NCAPD2: variants seen among roughly 807,000 people sequenced by gnomAD.
NCAPD2 encodes the protein condensin complex subunit 1.
A neutral mutation model predicts 164.5 loss-of-function variants in NCAPD2; 100 were observed. That is an observed-to-expected ratio of 0.61 (90% confidence interval 0.52 to 0.72). The LOEUF (loss-of-function observed/expected upper bound fraction) is 0.72. NCAPD2 is among the 30% of genes least tolerant of loss of function. NCAPD2 has a pLI of 0.00. For missense variants in NCAPD2, 1,560 were observed against 1,749.2 expected (o/e 0.89, Z 1.93); for synonymous variants, 585 against 642.6 (o/e 0.91, Z 1.36).
At chr12:6,510,256 T>C (rs1002911475) in intron 4 of NCAPD2, 123 bp downstream of exon 4, 5 of 1,119,182 alleles carry the variant, frequency 4.5e-6, no homozygotes, top group East Asian at 4.7e-5. Flanking sequence ...TGTGATTCAG[T>C]TGGTTTGGCT....
In NCAPD2 at chr12:6,514,798, G is replaced by A. The variant is rs1230855012; in HGVS notation, c.865G>A (p.Glu289Lys). The change falls in exon 9 of 32, where the codon GAG (glutamate) becomes AAG (lysine). Residue 289 changes from glutamate (E) to lysine (K), a missense_variant. Coordinates refer to ENST00000315579, the MANE Select transcript of NCAPD2 (RefSeq NM_014865.4). ...VREIGQKCPQ[E>K]LSRDPSGTKG... ...AGAGATTGGACAAAAGTGTCCCCAA[G>A]AGCTGAGTCGAGACCCTTCAGGGAC... 3.1e-6 allele frequency: 5 copies of A among 1,614,134 alleles called. No homozygotes were observed. The highest frequency in any genetic ancestry group is 1.6e-4 in the Middle Eastern group (1 of 6,062).
intron 2 of NCAPD2, among the ~76,000 whole-genome samples, chr12:6,500,725 C>T (rs1253758905): frequency 6.6e-6 from 1 of 152,170 alleles, no homozygotes; most frequent in East Asian, 1.9e-4. Flanking sequence ...TCTCTAGAGC[C>T]TCGTAGATCA....
At chr12:6,501,141 A>G (rs1215428780) in intron 2 of NCAPD2, among the ~76,000 whole-genome samples, 1 of 148,982 alleles carries the variant, frequency 6.7e-6, no homozygotes, top group Non-Finnish European at 1.5e-5. Flanking sequence ...GCTCGCTGCA[A>G]CCTCTGCCTC....
At position 6,509,717 on chromosome 12, in the gene NCAPD2, C is replaced by A. The variant is rs139616215; in HGVS notation, c.128C>A (p.Ala43Asp). The A allele has an allele frequency of 1.9e-6, 3 of 1,613,656 alleles. No individual in the cohort carries two copies. In the African/African-American group the frequency reaches 4.0e-5, roughly 22 times the overall value. The change falls in exon 3 of 32, where the codon GCT becomes GAT. Residue 43 changes from alanine to aspartate, a missense_variant and splice_region_variant. Ala to Asp is a moderately radical substitution (Grantham distance 126). Coordinates refer to ENST00000315579, the MANE Select transcript of NCAPD2 (RefSeq NM_014865.4). Reference sequence around the variant, plus strand: ...TGATTTGTTTTTTCCATCTTCATAGCTTTTCAGGCTGCCTTTCGAGCTCAG... The same window carrying A: ...TGATTTGTTTTTTCCATCTTCATAGATTTTCAGGCTGCCTTTCGAGCTCAG... ...SIKHLPPQLR[A>D]FQAAFRAQGP...
chr12:6,523,219 T>G, intron 16 of NCAPD2, 43 bp from the exon 17 acceptor site: 1 of 1,587,612 alleles, frequency 6.3e-7, no homozygotes, highest in Non-Finnish European at 8.6e-7. Context: ...CAAGTTCAGC[T>G]TCCCAATCTT....
At position 6,521,740 on chromosome 12, in the gene NCAPD2, G is replaced by T. The variant is rs1223972685; in HGVS notation, c.1715-58G>T. On this transcript the variant is annotated intron_variant, in intron 14 of 31. Transcript: ENST00000315579. Reference sequence around the variant, plus strand: ...TAAATATCCAGGAATGTTGACAGCTGTTGGATTCCCCTGTATCCCCTTGAA... The same window carrying T: ...TAAATATCCAGGAATGTTGACAGCTTTTGGATTCCCCTGTATCCCCTTGAA... The T allele has an allele frequency of 2.5e-6, 4 of 1,572,306 alleles. No homozygotes were observed. In the African/African-American group the frequency reaches 5.5e-5, roughly 22 times the overall value.
rs540155011 is a variant in NCAPD2, at chr12:6,529,912, T to C, written c.3791T>C (p.Leu1264Ser). The C allele has an allele frequency of 1.2e-6, 2 of 1,614,150 alleles. No homozygotes were observed. Among genetic ancestry groups the C allele is most frequent in the African/African-American group, 2.7e-5 (2 of 74,954 alleles). The change falls in exon 29 of 32, where the codon TTG becomes TCG. Residue 1264 changes from leucine (L) to serine (S), a missense_variant. Leu to Ser is a moderately radical substitution (Grantham distance 145, BLOSUM62 -2). Coordinates refer to ENST00000315579, the MANE Select transcript of NCAPD2 (RefSeq NM_014865.4). ...LSDESIFSAF[L>S]SVVGKLRRGA... is the part of the protein sequence containing the mutation. ...GATGAGTCCATCTTCAGTGCTTTTT[T>C]GTCAGTTGTAGGCAAGCTGCGACGT...
chr12:6,509,386 C>G (rs527805056), intron 2 of NCAPD2, among the ~76,000 whole-genome samples: 9 of 152,086 alleles, frequency 5.9e-5, no homozygotes, highest in Non-Finnish European at 1.0e-4. Context: ...CTCAGCCTCC[C>G]TAGTAGCTGG....
intron 6 of NCAPD2, among the ~76,000 whole-genome samples, chr12:6,513,253 G>A (rs772483106): frequency 6.6e-6 from 1 of 152,162 alleles, no homozygotes; most frequent in Non-Finnish European, 1.5e-5. Flanking sequence ...AGCATTAAGA[G>A]TGAGGATGCC....
At position 6,527,999 on chromosome 12, in the gene NCAPD2, C is replaced by T; in HGVS notation, c.3051C>T (p.Leu1017=). 3 of 1,614,266 alleles carry T rather than the reference C, an allele frequency of 1.9e-6. No homozygotes were observed. The East Asian group carries it at 6.7e-5, about 36-fold the overall frequency. ...AGACACTGGCTGCCTTTGTTCCACT[C>T]TTGCTTAAAGTCTGTAACAACCCAG... is the stretch of plus-strand genomic sequence containing the variant. The part of the protein sequence containing the change: ...GKQTLAAFVP[L]LLKVCNNPGL... Residue 1017 remains leucine (L), a synonymous_variant, in exon 24 of 32, where the codon CTC becomes CTT. Coordinates refer to ENST00000315579, the MANE Select transcript of NCAPD2 (RefSeq NM_014865.4).
intron 27 of NCAPD2, 171 bp from the exon 28 acceptor site, chr12:6,529,342 T>C (rs1946349256): frequency 3.1e-6 from 2 of 655,322 alleles, no homozygotes; most frequent in African/African-American, 1.8e-5. Context: ...GGGGGCGGGG[T>C]GGGGTCCCTC....
chr12:6,520,953 C>T, intron 13 of NCAPD2, 33 bp from the exon 14 acceptor site: 1 of 1,613,062 alleles, frequency 6.2e-7, no homozygotes, highest in South Asian at 1.1e-5. Context: ...CAGTGACATT[C>T]TTCTGGGTAC....
At chr12:6,517,710 A>G (rs750477797) in intron 12 of NCAPD2, 27 bp downstream of exon 12, 2 of 1,614,174 alleles carry the variant, frequency 1.2e-6, no homozygotes, top group Non-Finnish European at 8.5e-7. Flanking sequence ...TTGGAGTCCT[A>G]ATGCCAGACA....
At chr12:6,516,037 CA>C (rs781184572) in intron 9 of NCAPD2, among the ~76,000 whole-genome samples, 3 of 149,316 alleles carry the variant, frequency 2.0e-5, no homozygotes, top group Admixed American at 6.7e-5. Context: ...ACTAAAAATA[CA>C]AAAAAAAATT....
Position 6,528,107 on chromosome 12 carries a change from G to T in NCAPD2, c.3143+16G>T. On this transcript the variant is annotated intron_variant, in intron 24 of 31. Coordinates refer to ENST00000315579, the MANE Select transcript of NCAPD2 (RefSeq NM_014865.4). This position sits in a 1 kb window ranked among gnomAD's most constrained non-coding sequence, Gnocchi z 5.1. ...GCATGATCAGGTAGGCCGTGGGGTT[G>T]GTACCCCCTTCTCAAGGAAGATGGG... The T allele has an allele frequency of 6.2e-7, 1 of 1,614,204 alleles. No individual in the cohort carries two copies. Among genetic ancestry groups the T allele is most frequent in the Non-Finnish European group, 8.5e-7 (1 of 1,180,032 alleles).
chr12:6,528,368 C>T lies in NCAPD2; in HGVS notation c.3299+40C>T. On this transcript the variant is annotated intron_variant, in intron 25 of 31. Coordinates refer to ENST00000315579, the MANE Select transcript of NCAPD2 (RefSeq NM_014865.4). This position sits in a 1 kb window ranked among gnomAD's most constrained non-coding sequence, Gnocchi z 5.1. ...ACAACGTGGTGGCAGTTCCCAGGAGCCCCGGAGTCTGTTGAGAGTCAGTGT... is the reference window on the plus strand; with the variant it reads ...ACAACGTGGTGGCAGTTCCCAGGAGTCCCGGAGTCTGTTGAGAGTCAGTGT... The T allele has an allele frequency of 1.2e-6, 2 of 1,611,208 alleles. No individual in the cohort carries two copies. Among genetic ancestry groups the T allele is most frequent in the Non-Finnish European group, 1.7e-6 (2 of 1,178,840 alleles).
Position 6,495,115 on chromosome 12 carries a change from A to G in NCAPD2, c.17A>G (p.Tyr6Cys), listed in dbSNP as rs1945965441. 1.2e-6 allele frequency: 2 copies of G among 1,614,144 alleles called. No homozygotes were observed. Among genetic ancestry groups the G allele is most frequent in the Non-Finnish European group, 1.7e-6 (2 of 1,179,996 alleles). ...AGGAGTAGAATGGCTCCCCAAATGT[A>G]TGAGTTCCATCTGCCATTATCCCCA... is the stretch of plus-strand genomic sequence containing the variant. MAPQM[Y>C]EFHLPLSPEE... Residue 6 changes from tyrosine to cysteine, a missense_variant, in exon 2 of 32, where the codon TAT (tyrosine) becomes TGT (cysteine). Physicochemically the swap from Tyr to Cys is radical, Grantham distance 194 (BLOSUM62 -2). Coordinates refer to ENST00000315579, the MANE Select transcript of NCAPD2 (RefSeq NM_014865.4).
chr12:6,516,532 G>C (rs1446603041), intron 9 of NCAPD2, among the ~76,000 whole-genome samples: 1 of 152,076 alleles, frequency 6.6e-6, no homozygotes, highest in East Asian at 1.9e-4. Flanking sequence ...AATAACAAAG[G>C]CTTTGAGACC....
intron 16 of NCAPD2, 103 bp from the exon 17 acceptor site, chr12:6,523,159 G>A: frequency 6.8e-7 from 1 of 1,461,476 alleles, no homozygotes; most frequent in Non-Finnish European, 9.5e-7. Flanking sequence ...CGGTTTCCAG[G>A]GAGAGCAGTT....
Sources: allele counts gnomAD v4.1 joint callset (sites outside exome capture counted in the v4.1 genomes callset), GRCh38; gene constraint gnomAD v4.1.1; non-coding constraint Gnocchi (gnomAD v3.1); transcripts MANE v1.5; gene names NCBI Gene and HGNC (gene_info 2026-07-23, HGNC 2026-07-21).